STRIP2: variants seen among roughly 807,000 people sequenced by gnomAD.
The protein encoded by STRIP2 is striatin interacting protein 2, also known as striatin-interacting protein 2.
In STRIP2, 84 loss-of-function variants were observed where a neutral mutation model predicts 107.1. The observed-to-expected ratio is 0.78, with a 90% CI of 0.66 to 0.94. The LOEUF (loss-of-function observed/expected upper bound fraction) is 0.94, where lower values mean the gene tolerates loss of function less well. STRIP2 is among the 40% of genes least tolerant of loss of function. The probability of loss-of-function intolerance (pLI) is 0.00; values close to 1 mark genes in which losing one functional copy is unlikely to be tolerated. For missense variants in STRIP2, 888 were observed against 1,034.2 expected (o/e 0.86, Z 1.94); for synonymous variants, 394 against 400.4 (o/e 0.98, Z 0.19).
chr7:129,479,984 T>G (rs1453217227), intron 18 of STRIP2, among the ~76,000 whole-genome samples: 1 of 152,188 alleles, frequency 6.6e-6, no homozygotes, highest in Non-Finnish European at 1.5e-5. Context: ...CACTTCTACA[T>G]GTCATCTACT....
At chr7:129,472,902 T>C (rs1798828713) in intron 18 of STRIP2, among the ~76,000 whole-genome samples, 1 of 145,140 alleles carries the variant, frequency 6.9e-6, no homozygotes, top group South Asian at 2.4e-4. Flanking sequence ...TTTTCCTGCC[T>C]CAGCCTTCTG....
chr7:129,447,583 G>A (rs538119002), intron 3 of STRIP2, among the ~76,000 whole-genome samples: 3 of 152,312 alleles, frequency 2.0e-5, no homozygotes, highest in South Asian at 2.1e-4. Context: ...AGGTCTCTCC[G>A]AATAAGATTA....
intron 9 of STRIP2, among the ~76,000 whole-genome samples, 191 bp downstream of exon 9, chr7:129,456,833 G>A (rs539399829): frequency 1.6e-4 from 25 of 152,092 alleles, no homozygotes; most frequent in East Asian, 3.9e-4. Flanking sequence ...AGCCCCCTGC[G>A]CTGTTGTGAT....
At chr7:129,435,031 A>G (rs982485440) in intron 1 of STRIP2, among the ~76,000 whole-genome samples, 4 of 152,096 alleles carry the variant, frequency 2.6e-5, no homozygotes, top group Admixed American at 2.6e-4. Flanking sequence ...GAGTGGGGCA[A>G]CCGCAGTCCC....
Position 129,458,410 on chromosome 7 carries a change from G to T in STRIP2, c.1234G>T (p.Val412Leu). 1 of 1,610,832 alleles carries T rather than the reference G, an allele frequency of 6.2e-7. No individual in the cohort carries two copies. The highest frequency in any genetic ancestry group is 8.5e-7 in the Non-Finnish European group (1 of 1,178,570). The change falls in exon 10 of 21, where the codon GTG becomes TTG. Residue 412 changes from valine (V) to leucine (L), a missense_variant. By Grantham distance (32) the Val-to-Leu change is conservative. Coordinates refer to ENST00000249344, the MANE Select transcript of STRIP2 (RefSeq NM_020704.3). This position sits in a 1 kb window ranked among gnomAD's most constrained non-coding sequence, Gnocchi z 4.6. ...ACAGGCACCCCTCTCTGCTGAGCGG[G>T]TGGCTTTTCCCAAGGGCCTGCCCTG... ...PSQAPLSAERVAFPKGLPWAP... is the reference protein window; with the variant it reads ...PSQAPLSAERLAFPKGLPWAP...
intron 7 of STRIP2, among the ~76,000 whole-genome samples, chr7:129,454,868 G>A (rs1289958994): frequency 6.6e-6 from 1 of 152,240 alleles, no homozygotes; most frequent in South Asian, 2.1e-4. Flanking sequence ...ATGTAAGTTG[G>A]TGTTGTCATC....
At chr7:129,479,599 C>T (rs1192631894) in intron 18 of STRIP2, among the ~76,000 whole-genome samples, 1 of 150,794 alleles carries the variant, frequency 6.6e-6, no homozygotes, top group Non-Finnish European at 1.5e-5. Flanking sequence ...AAGTGATTCT[C>T]CTGCCTCAGC....
chr7:129,465,054 G>C (rs1798638635), intron 16 of STRIP2, among the ~76,000 whole-genome samples: 1 of 151,952 alleles, frequency 6.6e-6, no homozygotes, highest in Admixed American at 6.6e-5. Flanking sequence ...TCACAAAAAT[G>C]GGGGGGTGGG....
At chr7:129,466,595 C>T (rs1315317159) in intron 16 of STRIP2, among the ~76,000 whole-genome samples, 2 of 152,050 alleles carry the variant, frequency 1.3e-5, no homozygotes, top group African/African-American at 4.8e-5. Context: ...GTAACATAAC[C>T]CCCATGACAC....
intron 2 of STRIP2, among the ~76,000 whole-genome samples, chr7:129,440,430 T>C (rs1042884845): frequency 3.9e-5 from 6 of 152,202 alleles, no homozygotes; most frequent in African/African-American, 1.4e-4. Flanking sequence ...TTTCTCTTCC[T>C]GTCACCCATA....
intron 13 of STRIP2, 44 bp downstream of exon 13, chr7:129,460,416 C>G (rs1486618777): frequency 2.0e-6 from 3 of 1,533,282 alleles, no homozygotes; most frequent in Non-Finnish European, 2.7e-6. Flanking sequence ...AGAAGAAAAC[C>G]TGTCTTCAGT....
Position 129,486,411 on chromosome 7 carries a change from AGT to A in STRIP2, c.*587_*588del, listed in dbSNP as rs146241197. On this transcript the variant is annotated 3_prime_UTR_variant, in exon 21 of 21. Transcript: ENST00000249344. ...CCCTCAATACTGCATGTTATCGAAAAGTGTGTTGTGTAAAGTGTTTTTTTCCT... is the reference window on the plus strand; with the variant it reads ...CCCTCAATACTGCATGTTATCGAAAAGTGTTGTGTAAAGTGTTTTTTTCCT... 441 of 155,862 alleles carry A rather than the reference AGT, an allele frequency of 2.8e-3. 4 individuals are homozygous for A. The highest frequency in any genetic ancestry group is 9.0e-3 in the African/African-American group (375 of 41,546). 9.7% of individuals were successfully genotyped at this position (155,862 alleles called of 1,614,324 possible).
intron 20 of STRIP2, chr7:129,484,733 G>A (rs1799204714): frequency 6.6e-6 from 1 of 152,164 alleles, no homozygotes; most frequent in Non-Finnish European, 1.5e-5. Flanking sequence ...TCTGCTATAA[G>A]ACATAAAGCA....
intron 18 of STRIP2, among the ~76,000 whole-genome samples, chr7:129,476,353 G>C (rs1382525910): frequency 2.8e-5 from 4 of 143,608 alleles, no homozygotes; most frequent in African/African-American, 5.1e-5. Flanking sequence ...GGCGGCTGCC[G>C]GGCGGAGGGG....
rs1799241087 is a variant in STRIP2 at position 129,486,151 on chromosome 7, T to C, written c.*322T>C. On this transcript the variant is annotated 3_prime_UTR_variant, in exon 21 of 21. Coordinates refer to ENST00000249344, the MANE Select transcript of STRIP2 (RefSeq NM_020704.3). Reference sequence around the variant, plus strand: ...CTAAAAGAGGAAATTTGTTATGGCATTTGACCCATGGCATTCATCACAGAT... The same window carrying C: ...CTAAAAGAGGAAATTTGTTATGGCACTTGACCCATGGCATTCATCACAGAT... 1 of 267,280 alleles carries C rather than the reference T, an allele frequency of 3.7e-6. No individual in the cohort carries two copies. Among genetic ancestry groups the C allele is most frequent in the South Asian group, 6.5e-5 (1 of 15,276 alleles). The allele number at this position is 267,280 out of a possible 1,614,324, so 16.6% of individuals were successfully genotyped here.
intron 1 of STRIP2, among the ~76,000 whole-genome samples, chr7:129,435,221 T>C (rs1234274222): frequency 6.6e-6 from 1 of 152,218 alleles, no homozygotes; most frequent in Admixed American, 6.5e-5. Flanking sequence ...CTGGAGTGGC[T>C]ATCTGGAGGG....
intron 18 of STRIP2, among the ~76,000 whole-genome samples, chr7:129,479,918 G>A (rs1799074693): frequency 6.6e-6 from 1 of 152,180 alleles, no homozygotes. Context: ...TGCCTGTCTT[G>A]CTTCAAATTA....
chr7:129,446,870 G>A (rs541417688), intron 3 of STRIP2, among the ~76,000 whole-genome samples: 1 of 152,334 alleles, frequency 6.6e-6, no homozygotes, highest in African/African-American at 2.4e-5. Context: ...GGGTCAGAAA[G>A]CACTCAGTTC....
intron 18 of STRIP2, chr7:129,477,831 C>A (rs1584970424): frequency 2.7e-6 from 1 of 368,868 alleles, no homozygotes. Flanking sequence ...AAGAGAGAAG[C>A]CATGCATTCC....
Sources: allele counts gnomAD v4.1 joint callset (sites outside exome capture counted in the v4.1 genomes callset), GRCh38; gene constraint gnomAD v4.1.1; non-coding constraint Gnocchi (gnomAD v3.1); transcripts MANE v1.5; gene names NCBI Gene and HGNC (gene_info 2026-07-23, HGNC 2026-07-21).